The following PPARGC1A variants were observed in gnomAD, a reference collection of about 807,000 sequenced individuals.
The protein encoded by PPARGC1A is peroxisome proliferator-activated receptor gamma coactivator 1-alpha.
PPARGC1A carries 25 observed loss-of-function variants against 88.7 expected under a neutral mutation model. The observed-to-expected ratio is 0.28, with a 90% CI of 0.21 to 0.39. The LOEUF (loss-of-function observed/expected upper bound fraction) is 0.39. Among genes scored for constraint, PPARGC1A ranks in the 10% least tolerant of loss-of-function variants. The probability of loss-of-function intolerance (pLI) is 1.00; values close to 1 mark genes in which losing one functional copy is unlikely to be tolerated. For synonymous variants in PPARGC1A, 363 were observed against 355.6 expected (o/e 1.02, Z -0.24); for missense variants, 880 against 968.7 (o/e 0.91, Z 1.22).
chr4:24,394,743 C>A, the PPARGC1A span, among the ~76,000 whole-genome samples: 3 of 152,094 alleles, frequency 2.0e-5, no homozygotes, highest in Non-Finnish European at 4.4e-5. Context: ...GTGAGATGCA[C>A]CATTATTTTA....
At position 23,814,446 on chromosome 4, in the gene PPARGC1A, T is replaced by C. The variant is rs1321954347; in HGVS notation, c.1037A>G (p.Lys346Arg). The C allele has an allele frequency of 6.2e-7, 1 of 1,613,766 alleles. No homozygotes were observed. The highest frequency in any genetic ancestry group is 1.1e-5 in the South Asian group (1 of 91,042). Residue 346 changes from lysine (K) to arginine (R), a missense_variant, in exon 8 of 13, where the codon AAG becomes AGG. Coordinates refer to ENST00000264867, the MANE Select transcript of PPARGC1A (RefSeq NM_013261.5). ...SSGTQGNNST[K>R]KGPEQSELYA... ...CAACTCGGATTGCTCCGGCCCTTTC[T>C]TGGTGGAGTTATTGCCTTGTGTACC...
the PPARGC1A span, among the ~76,000 whole-genome samples, chr4:24,248,470 G>A: frequency 6.6e-6 from 1 of 152,020 alleles, no homozygotes; most frequent in East Asian, 1.9e-4. Context: ...AGATAAGACA[G>A]CAGACACACC....
the PPARGC1A span, among the ~76,000 whole-genome samples, chr4:24,358,974 C>T: frequency 6.6e-6 from 1 of 152,214 alleles, no homozygotes; most frequent in Non-Finnish European, 1.5e-5. Flanking sequence ...CCAGCAGGGG[C>T]GATTACAAAC....
the PPARGC1A span, among the ~76,000 whole-genome samples, chr4:24,271,840 T>C: frequency 6.6e-6 from 1 of 152,176 alleles, no homozygotes; most frequent in African/African-American, 2.4e-5. Context: ...GCCTAGCACC[T>C]GGAACATGGT....
At chr4:23,948,826 T>C in the PPARGC1A span, among the ~76,000 whole-genome samples, 2 of 152,196 alleles carry the variant, frequency 1.3e-5, no homozygotes, top group African/African-American at 2.4e-5. Flanking sequence ...TGATGGACTT[T>C]GTTGGAACTA....
chr4:24,396,975 CT>C, the PPARGC1A span, among the ~76,000 whole-genome samples: 3 of 152,172 alleles, frequency 2.0e-5, no homozygotes, highest in African/African-American at 7.2e-5. Flanking sequence ...CACAATTTTT[CT>C]GCTTTACAAT....
the PPARGC1A span, among the ~76,000 whole-genome samples, chr4:24,151,613 T>C: frequency 5.7e-4 from 87 of 152,322 alleles, no homozygotes; most frequent in Non-Finnish European, 9.8e-4. Context: ...GTTCTTTATA[T>C]TGATTAAACA....
the PPARGC1A span, among the ~76,000 whole-genome samples, chr4:23,943,735 T>C: frequency 8.5e-5 from 13 of 152,180 alleles, no homozygotes; most frequent in Non-Finnish European, 1.5e-4. Context: ...CTGGCACCCA[T>C]GACCTCCGGT....
chr4:23,952,540 T>C, the PPARGC1A span, among the ~76,000 whole-genome samples: 1 of 152,116 alleles, frequency 6.6e-6, no homozygotes, highest in Non-Finnish European at 1.5e-5. Flanking sequence ...CCAGTTCTCA[T>C]AGGCTAAGGT....
At chr4:24,161,987 C>T in the PPARGC1A span, among the ~76,000 whole-genome samples, 2 of 151,314 alleles carry the variant, frequency 1.3e-5, no homozygotes, top group East Asian at 1.9e-4. Flanking sequence ...CACACACACA[C>T]ACACACACAC....
At chr4:23,938,721 AG>A in the PPARGC1A span, among the ~76,000 whole-genome samples, 1 of 152,208 alleles carries the variant, frequency 6.6e-6, no homozygotes, top group African/African-American at 2.4e-5. Context: ...GAAAACATGG[AG>A]GTTTGAGCAT....
the PPARGC1A span, among the ~76,000 whole-genome samples, chr4:24,217,217 A>G: frequency 2.6e-5 from 4 of 152,228 alleles, no homozygotes. Flanking sequence ...TCTTCTGAAG[A>G]AACAACAGAT....
chr4:24,144,335 A>G, the PPARGC1A span, among the ~76,000 whole-genome samples: 1 of 152,220 alleles, frequency 6.6e-6, no homozygotes, highest in African/African-American at 2.4e-5. Flanking sequence ...TATTCTTATT[A>G]GGACATTCAG....
At chr4:24,340,404 C>T in the PPARGC1A span, among the ~76,000 whole-genome samples, 2 of 152,130 alleles carry the variant, frequency 1.3e-5, no homozygotes, top group African/African-American at 2.4e-5. Context: ...ATTTGCAGTG[C>T]CTTAGATTTT....
At chr4:23,828,883 T>TA (rs571674696) in intron 4 of PPARGC1A, among the ~76,000 whole-genome samples, 5 of 152,034 alleles carry the variant, frequency 3.3e-5, no homozygotes, top group African/African-American at 4.8e-5. Context: ...TTATTGTGAA[T>TA]AAAAAAAATC....
chr4:24,156,886 C>A, the PPARGC1A span, among the ~76,000 whole-genome samples: 2 of 152,114 alleles, frequency 1.3e-5, no homozygotes. Context: ...TATAACTCTT[C>A]CTGGCCTGTT....
At chr4:24,347,138 TAATTTCAATTTTCTTA>T in the PPARGC1A span, among the ~76,000 whole-genome samples, 1 of 152,224 alleles carries the variant, frequency 6.6e-6, no homozygotes, top group African/African-American at 2.4e-5. Context: ...GTGCTTGATA[TAATTTCAATTTTCTTA>T]AATTTACTGA....
chr4:24,233,655 T>C, the PPARGC1A span, among the ~76,000 whole-genome samples: 13 of 151,616 alleles, frequency 8.6e-5, no homozygotes, highest in African/African-American at 3.2e-4. Context: ...AATACTCCCA[T>C]TTGAAAACCT....
intron 2 of PPARGC1A, among the ~76,000 whole-genome samples, chr4:23,858,965 GAATA>G (rs1288881442): frequency 2.0e-5 from 3 of 148,322 alleles, no homozygotes; most frequent in Non-Finnish European, 4.5e-5. Flanking sequence ...ATATTTTGTA[GAATA>G]AATTAAATAT....
Sources: allele counts gnomAD v4.1 joint callset (sites outside exome capture counted in the v4.1 genomes callset), GRCh38; gene constraint gnomAD v4.1.1; transcripts MANE v1.5; gene names NCBI Gene and HGNC (gene_info 2026-07-23, HGNC 2026-07-21).